The following ZNF41 variants were observed in gnomAD, a reference collection of about 807,000 sequenced individuals.
ZNF41 encodes zinc finger protein 41.
A neutral mutation model predicts 9.3 loss-of-function variants in ZNF41; 6 were observed. The observed-to-expected ratio is 0.65, with a 90% CI of 0.35 to 1.28. ZNF41 has a LOEUF of 1.28. ZNF41 is among the 50% of genes most tolerant of loss of function. The pLI, the probability that ZNF41 is intolerant of heterozygous loss-of-function variation, is 0.03. For synonymous variants in ZNF41, 192 were observed against 207.1 expected (o/e 0.93, Z 0.63); for missense variants, 523 against 585.8 (o/e 0.89, Z 1.11).
At chrX:47,460,193 A>G (rs1039526163) in intron 2 of ZNF41, among the ~76,000 whole-genome samples, 2 of 112,252 alleles carry the variant, frequency 1.8e-5, no homozygotes, top group Non-Finnish European at 3.8e-5. Flanking sequence ...TGAGCCTGGA[A>G]GGTGGAGGCT....
chrX:47,482,449 T>C (rs1464649441), intron 1 of ZNF41: 1 of 112,612 alleles, frequency 8.9e-6, no homozygotes, highest in African/African-American at 3.2e-5. Context: ...AGTCCGTCTG[T>C]TAAACTCACT....
At chrX:47,462,560 C>T (rs1332779548) in intron 2 of ZNF41, among the ~76,000 whole-genome samples, 1 of 110,851 alleles carries the variant, frequency 9.0e-6, no homozygotes, top group African/African-American at 3.3e-5. Flanking sequence ...TTCTGTGGCA[C>T]CATTCTGATT....
intron 1 of ZNF41, among the ~76,000 whole-genome samples, chrX:47,480,197 A>G (rs2057437670): frequency 8.9e-6 from 1 of 112,212 alleles, no homozygotes; most frequent in Non-Finnish European, 1.9e-5. Flanking sequence ...AACTATTTCT[A>G]AAGTCAATAT....
intron 1 of ZNF41, among the ~76,000 whole-genome samples, chrX:47,477,950 G>A (rs2057378543): frequency 8.9e-6 from 1 of 112,609 alleles, no homozygotes; most frequent in East Asian, 2.8e-4. Context: ...CAACCCAAAT[G>A]TCCATCGACT....
chrX:47,456,997 T>A (rs772026531), intron 2 of ZNF41, among the ~76,000 whole-genome samples: 34 of 111,772 alleles, frequency 3.0e-4, no homozygotes, highest in African/African-American at 9.1e-4. Context: ...ATGAGGAAAA[T>A]CCAGTAGAGA....
chrX:47,469,707 A>G (rs2057121690), intron 1 of ZNF41, among the ~76,000 whole-genome samples: 2 of 110,999 alleles, frequency 1.8e-5, no homozygotes, highest in South Asian at 7.5e-4. Flanking sequence ...GTGAAACACT[A>G]AAAATATAAA....
intron 1 of ZNF41, among the ~76,000 whole-genome samples, chrX:47,473,564 T>C (rs760549877): frequency 1.8e-5 from 2 of 112,149 alleles, no homozygotes; most frequent in South Asian, 7.3e-4. Context: ...GTCTTAAAAA[T>C]CATAATTGTT....
chrX:47,470,445 G>A (rs2057156209), intron 1 of ZNF41, among the ~76,000 whole-genome samples: 2 of 104,396 alleles, frequency 1.9e-5, no homozygotes, highest in African/African-American at 7.0e-5. Flanking sequence ...AAACACGACC[G>A]GCCAGGCACA....
chrX:47,447,406 T>A lies in ZNF41; in HGVS notation c.*24A>T. ...ATTAGATACCTGATGCATACCCAGTTGTGATTTCCAGGTGAAGACTTTCTC... is the reference window on the plus strand; with the variant it reads ...ATTAGATACCTGATGCATACCCAGTAGTGATTTCCAGGTGAAGACTTTCTC... On this transcript the variant is annotated 3_prime_UTR_variant, in exon 5 of 5. Transcript: ENST00000684689. 1.7e-6 allele frequency: 2 copies of A among 1,208,528 alleles called. No homozygotes were observed. The highest frequency in any genetic ancestry group is 2.2e-6 in the Non-Finnish European group (2 of 895,069).
chrX:47,453,608 T>C (rs1197596616), intron 4 of ZNF41, among the ~76,000 whole-genome samples: 1 of 112,344 alleles, frequency 8.9e-6, no homozygotes, highest in Non-Finnish European at 1.9e-5. Flanking sequence ...TTAATTGTCA[T>C]ATACTAGGTA....
intron 4 of ZNF41, among the ~76,000 whole-genome samples, chrX:47,451,958 A>T (rs2056386642): frequency 8.9e-6 from 1 of 112,517 alleles, no homozygotes; most frequent in Non-Finnish European, 1.9e-5. Context: ...TTAAAACTTT[A>T]AAAAGTGGAT....
At chrX:47,450,558 G>A (rs112410220) in intron 4 of ZNF41, among the ~76,000 whole-genome samples, 1,789 of 111,315 alleles carry the variant, frequency 0.016, 38 homozygotes, top group African/African-American at 0.056. Context: ...ATAACAAGGC[G>A]TGTAAAAGAG....
At chrX:47,478,987 T>C (rs764604533) in intron 1 of ZNF41, among the ~76,000 whole-genome samples, 1 of 111,542 alleles carries the variant, frequency 9.0e-6, no homozygotes, top group East Asian at 2.8e-4. Flanking sequence ...TCCATTTATA[T>C]AAAATGTCTA....
chrX:47,476,635 G>A (rs890855552), intron 1 of ZNF41, among the ~76,000 whole-genome samples: 2 of 111,235 alleles, frequency 1.8e-5, no homozygotes, highest in African/African-American at 3.3e-5. Flanking sequence ...ACACCTACTA[G>A]GAAGGATAGA....
At position 47,447,856 on chromosome X, in the gene ZNF41, G is replaced by A. The variant is rs1271561285; in HGVS notation, c.1914C>T (p.Ser638=). The change falls in exon 5 of 5, where the codon AGC becomes AGT. Residue 638 remains serine (S), a synonymous_variant. Transcript: ENST00000684689. Reference sequence around the variant, plus strand: ...TCTTAGTGAAGCATTTCCCACAGTCGCTGCATTCATAAGGCTTCTCTCCAG... The same window carrying A: ...TCTTAGTGAAGCATTTCCCACAGTCACTGCATTCATAAGGCTTCTCTCCAG... ...IHTGEKPYEC[S]DCGKCFTKKS... 8.3e-6 allele frequency: 10 copies of A among 1,210,309 alleles called. No homozygotes were observed. The highest frequency in any genetic ancestry group is 4.4e-5 in the Admixed American group (2 of 45,875).
chrX:47,466,599 C>A (rs1197121873), intron 2 of ZNF41, among the ~76,000 whole-genome samples: 1 of 110,871 alleles, frequency 9.0e-6, no homozygotes, highest in Non-Finnish European at 1.9e-5. Context: ...ACTGCAACCT[C>A]CACCTCCTAG....
chrX:47,465,175 A>G (rs749142777), intron 2 of ZNF41, among the ~76,000 whole-genome samples: 1 of 112,917 alleles, frequency 8.9e-6, no homozygotes, highest in Non-Finnish European at 1.9e-5. Context: ...ATGAGCCACC[A>G]TGCCCAGCTG....
Position 47,448,386 on chromosome X carries a change from T to A in ZNF41, c.1384A>T (p.Thr462Ser). Residue 462 changes from threonine to serine, a missense_variant, in exon 5 of 5, where the codon ACT becomes TCT. Thr to Ser is a moderately conservative substitution (Grantham distance 58, BLOSUM62 1). Coordinates refer to ENST00000684689, the MANE Select transcript of ZNF41 (RefSeq NM_001324144.2). ...SHFNTHQRIH[T>S]GEKPYECSDC... ...CTGCATTCATACGGCTTTTCTCCAG[T>A]ATGAATTCTCTGATGTGTGTTGAAA... is the stretch of plus-strand genomic sequence containing the variant. The A allele has an allele frequency of 8.3e-7, 1 of 1,211,702 alleles. No homozygotes were observed. The highest frequency in any genetic ancestry group is 2.2e-5 in the Admixed American group (1 of 45,968).
chrX:47,461,108 T>G (rs2056771723), intron 2 of ZNF41, among the ~76,000 whole-genome samples: 1 of 109,310 alleles, frequency 9.1e-6, no homozygotes, highest in Non-Finnish European at 1.9e-5. Flanking sequence ...TCTTTTTTTT[T>G]TTTTTTGAGA....
Sources: allele counts gnomAD v4.1 joint callset (sites outside exome capture counted in the v4.1 genomes callset), GRCh38; gene constraint gnomAD v4.1.1; transcripts MANE v1.5; gene names NCBI Gene and HGNC (gene_info 2026-07-23, HGNC 2026-07-21).